The following PLCH1 variants were observed in gnomAD, a reference collection of about 807,000 sequenced individuals.
The protein encoded by PLCH1 is phospholipase C eta 1, also known as 1-phosphatidylinositol 4,5-bisphosphate phosphodiesterase eta-1.
In PLCH1, 60 loss-of-function variants were observed where a neutral mutation model predicts 126.7. The observed-to-expected ratio is 0.47, with a 90% CI of 0.38 to 0.59. The LOEUF (loss-of-function observed/expected upper bound fraction) is 0.59, where lower values mean the gene tolerates loss of function less well. Ranked by LOEUF, PLCH1 falls within the 20% of genes least tolerant of loss-of-function variation. The probability of loss-of-function intolerance (pLI) is 0.00; values close to 1 mark genes in which losing one functional copy is unlikely to be tolerated. For synonymous variants in PLCH1, 719 were observed against 734.9 expected (o/e 0.98, Z 0.35); for missense variants, 1,723 against 2,040.0 (o/e 0.84, Z 2.99).
intron 2 of PLCH1, among the ~76,000 whole-genome samples, chr3:155,672,279 G>A: frequency 6.6e-6 from 1 of 152,026 alleles, no homozygotes; most frequent in Non-Finnish European, 1.5e-5. Context: ...AAATTTATCT[G>A]GAATACAAAA....
At chr3:155,573,013 G>T (rs1462935115) in intron 6 of PLCH1, among the ~76,000 whole-genome samples, 2 of 152,136 alleles carry the variant, frequency 1.3e-5, no homozygotes, top group Non-Finnish European at 2.9e-5. Flanking sequence ...CTCCCAATGT[G>T]CTGGAATTTT....
At chr3:155,741,434 A>G (rs1466623418) in intron 1 of PLCH1, among the ~76,000 whole-genome samples, 2 of 152,194 alleles carry the variant, frequency 1.3e-5, no homozygotes, top group Non-Finnish European at 2.9e-5. Flanking sequence ...CCCTGGGTTT[A>G]TCATTGTTTT....
chr3:155,685,275 T>C (rs1237131134), intron 2 of PLCH1, among the ~76,000 whole-genome samples: 1 of 152,226 alleles, frequency 6.6e-6, no homozygotes, highest in East Asian at 1.9e-4. Flanking sequence ...AGTGAGGGGA[T>C]GATGGCATGT....
chr3:155,656,191 C>T (rs1160557440), intron 2 of PLCH1, among the ~76,000 whole-genome samples: 2 of 149,476 alleles, frequency 1.3e-5, no homozygotes. Flanking sequence ...AAAACTACCA[C>T]CACAAAGAAG....
In PLCH1 at chr3:155,530,565, C is replaced by G. The variant is rs1232385195; in HGVS notation, c.1363-6561G>C. ...ATCTCCTGACCTCATGATCTGCCCA[C>G]CTCGGTCTCCCACAGGCTCCACTTC... On this transcript the variant is annotated intron_variant, in intron 10 of 22. Transcript: ENST00000460012. 2.5e-5 allele frequency among the ~76,000 whole-genome samples: 3 copies of G among 119,730 alleles called. No homozygotes were observed. In the East Asian group the frequency reaches 6.4e-4, roughly 25 times the overall value. The allele number at this position is 119,730 out of a possible 152,430, so 78.5% of individuals were successfully genotyped here. A position where few individuals can be genotyped will look rare whatever the true frequency, so the allele number is the denominator to read the frequency against.
At chr3:155,663,363 G>A (rs79601172) in intron 2 of PLCH1, among the ~76,000 whole-genome samples, 1 of 152,112 alleles carries the variant, frequency 6.6e-6, no homozygotes, top group Admixed American at 6.5e-5. Flanking sequence ...TTAGATTTGG[G>A]TAACTAAGAA....
Position 155,554,216 on chromosome 3 carries a change from A to G in PLCH1, c.1070-20T>C. On this transcript the variant is annotated intron_variant, in intron 8 of 22. Transcript: ENST00000460012. ...AGTCAACTGCCAAAAACAGAACTTT[A>G]TATCAACAACCCAAAGTCTCTGGTG... The G allele has an allele frequency of 6.2e-7, 1 of 1,609,228 alleles. No homozygotes were observed.
intron 10 of PLCH1, among the ~76,000 whole-genome samples, chr3:155,529,852 C>T (rs1474615557): frequency 4.6e-5 from 7 of 152,038 alleles, no homozygotes; most frequent in Non-Finnish European, 8.8e-5. Flanking sequence ...CTGCAACCTC[C>T]GCCCCCCGGG....
intron 1 of PLCH1, among the ~76,000 whole-genome samples, chr3:155,712,423 G>A (rs1013416750): frequency 1.3e-5 from 2 of 152,084 alleles, no homozygotes; most frequent in Non-Finnish European, 2.9e-5. Flanking sequence ...CAAATGTGAC[G>A]CAAATCTATA....
chr3:155,739,940 A>G (rs1380591332), intron 1 of PLCH1, among the ~76,000 whole-genome samples: 1 of 152,236 alleles, frequency 6.6e-6, no homozygotes, highest in African/African-American at 2.4e-5. Flanking sequence ...AAATATTTAC[A>G]GAACAATAAA....
chr3:155,528,359 T>C (rs191671449), intron 10 of PLCH1, among the ~76,000 whole-genome samples: 6 of 152,322 alleles, frequency 3.9e-5, no homozygotes, highest in South Asian at 2.1e-4. Context: ...TAAAAATCAG[T>C]TTTTCTATTT....
At chr3:155,743,665 C>A in intron 1 of PLCH1, 1 of 384,058 alleles carries the variant, frequency 2.6e-6, no homozygotes, top group Non-Finnish European at 5.0e-6. Flanking sequence ...AAAAAACTAC[C>A]GCCTCTTCTG....
At chr3:155,733,929 GTATACATATATATATATATATATA>G (rs1748952677) in intron 1 of PLCH1, among the ~76,000 whole-genome samples, 1 of 61,940 alleles carries the variant, frequency 1.6e-5, no homozygotes, top group Non-Finnish European at 3.3e-5. Context: ...TGGCCAACAG[GTATACATATATATATATATATATA>G]TATATATATA....
intron 21 of PLCH1, among the ~76,000 whole-genome samples, chr3:155,469,499 AG>A (rs2107980814): frequency 6.6e-6 from 1 of 151,164 alleles, no homozygotes; most frequent in African/African-American, 2.4e-5. Context: ...AGGCTGGGGG[AG>A]GGGCGCCCGC....
At chr3:155,573,350 C>A (rs1289450711) in intron 6 of PLCH1, among the ~76,000 whole-genome samples, 2 of 152,168 alleles carry the variant, frequency 1.3e-5, no homozygotes, top group Non-Finnish European at 2.9e-5. Context: ...TTCTGTGAAA[C>A]AAACCACCCC....
intron 2 of PLCH1, among the ~76,000 whole-genome samples, chr3:155,615,607 G>A (rs1201255236): frequency 6.6e-6 from 1 of 152,098 alleles, no homozygotes; most frequent in Non-Finnish European, 1.5e-5. Context: ...TGAAATAATG[G>A]CATTCACAGC....
intron 12 of PLCH1, among the ~76,000 whole-genome samples, chr3:155,508,995 T>G (rs1445629920): frequency 1.6e-5 from 2 of 126,988 alleles, no homozygotes; most frequent in East Asian, 2.0e-4. Context: ...GGACTCTTTT[T>G]GGTTGGTAAA....
chr3:155,649,146 C>A (rs1740398187), intron 2 of PLCH1, among the ~76,000 whole-genome samples: 1 of 152,096 alleles, frequency 6.6e-6, no homozygotes, highest in South Asian at 2.1e-4. Context: ...CCCAGGCACA[C>A]AAGGAGTGAC....
chr3:155,531,889 G>A (rs1722733985), intron 10 of PLCH1, among the ~76,000 whole-genome samples: 2 of 152,228 alleles, frequency 1.3e-5, no homozygotes, highest in South Asian at 2.1e-4. Context: ...TTAACGGAAT[G>A]TTGTAGCTGG....
Sources: allele counts gnomAD v4.1 joint callset (sites outside exome capture counted in the v4.1 genomes callset), GRCh38; gene constraint gnomAD v4.1.1; transcripts MANE v1.5; gene names NCBI Gene and HGNC (gene_info 2026-07-23, HGNC 2026-07-21).